Variants in DACH2 observed in about 807,000 individuals in gnomAD.
The protein encoded by DACH2 is dachshund homolog 2.
In DACH2, 17 loss-of-function variants were observed where a neutral mutation model predicts 35.8. That is an observed-to-expected ratio of 0.48 (90% CI 0.33 to 0.71). The LOEUF is 0.71. Among genes scored for constraint, DACH2 ranks in the 30% least tolerant of loss-of-function variants. The probability of loss-of-function intolerance (pLI) is 0.02; values close to 1 mark genes in which losing one functional copy is unlikely to be tolerated. For missense variants in DACH2, 469 were observed against 472.7 expected (o/e 0.99, Z 0.07); for synonymous variants, 195 against 177.3 (o/e 1.10, Z -0.79).
intron 2 of DACH2, among the ~76,000 whole-genome samples, chrX:86,384,209 G>A (rs1050591578): frequency 9.0e-6 from 1 of 110,861 alleles, no homozygotes; most frequent in Admixed American, 9.6e-5. Context: ...AAGAGGAAAG[G>A]CTCATAACCA....
intron 1 of DACH2, among the ~76,000 whole-genome samples, chrX:86,172,955 A>G (rs919564099): frequency 8.9e-6 from 1 of 111,914 alleles, no homozygotes; most frequent in Admixed American, 9.5e-5. Flanking sequence ...AAGTAAAAGG[A>G]CTTATAATTC....
chrX:86,399,006 T>A lies in DACH2; in HGVS notation c.527+22144T>A, dbSNP rs746582996. 9.8e-4 allele frequency among the ~76,000 whole-genome samples: 109 copies of A among 111,427 alleles called. 1 individual carries two copies. The highest frequency in any genetic ancestry group is 3.5e-3 in the African/African-American group (106 of 30,618). ...GGGGTGTTAAAGTCTCCCATTATTA[T>A]TGTGTGGGAGTCTAAGTCTCTTTGT... On this transcript the variant is annotated intron_variant, in intron 2 of 11. Coordinates refer to ENST00000373125, the MANE Select transcript of DACH2 (RefSeq NM_053281.3).
intron 6 of DACH2, among the ~76,000 whole-genome samples, chrX:86,715,032 G>C (rs1452088912): frequency 9.0e-6 from 1 of 111,643 alleles, no homozygotes; most frequent in Non-Finnish European, 1.9e-5. Flanking sequence ...CATAGCTGGG[G>C]TGAAACAAAG....
At chrX:86,435,253 C>T (rs2037049306) in intron 2 of DACH2, among the ~76,000 whole-genome samples, 1 of 111,683 alleles carries the variant, frequency 9.0e-6, no homozygotes, top group African/African-American at 3.3e-5. Flanking sequence ...CTTGGAAAAA[C>T]ACCTAACTTC....
At chrX:86,797,177 G>A (rs926005453) in intron 7 of DACH2, among the ~76,000 whole-genome samples, 1 of 110,906 alleles carries the variant, frequency 9.0e-6, no homozygotes, top group Non-Finnish European at 1.9e-5. Flanking sequence ...ATCCAATTGG[G>A]AAAGATAAGA....
At chrX:86,722,554 T>G (rs1263581421) in intron 6 of DACH2, among the ~76,000 whole-genome samples, 1 of 109,732 alleles carries the variant, frequency 9.1e-6, no homozygotes, top group Non-Finnish European at 1.9e-5. Context: ...TAGAGGTAGT[T>G]GTCTTACTAT....
At chrX:86,488,774 AG>A (rs2038052948) in intron 2 of DACH2, among the ~76,000 whole-genome samples, 1 of 111,832 alleles carries the variant, frequency 8.9e-6, no homozygotes, top group Admixed American at 9.5e-5. Context: ...AGTATTTAAC[AG>A]GGATTGAAAT....
At chrX:86,521,985 G>T in intron 3 of DACH2, among the ~76,000 whole-genome samples, 1 of 111,496 alleles carries the variant, frequency 9.0e-6, no homozygotes, top group East Asian at 2.8e-4. Context: ...AATGTTAGGT[G>T]TGCCATATTG....
chrX:86,824,213 C>T (rs1238439661), intron 11 of DACH2, among the ~76,000 whole-genome samples: 1 of 110,666 alleles, frequency 9.0e-6, no homozygotes, highest in Non-Finnish European at 1.9e-5. Context: ...TATAGACCTC[C>T]CCCCAGGAAT....
At chrX:86,348,648 G>T (rs1395616683) in intron 1 of DACH2, among the ~76,000 whole-genome samples, 1 of 111,752 alleles carries the variant, frequency 8.9e-6, no homozygotes, top group Non-Finnish European at 1.9e-5. Context: ...ATCGAATAAA[G>T]CCATTTTCTT....
intron 1 of DACH2, among the ~76,000 whole-genome samples, chrX:86,302,109 G>T (rs2034586656): frequency 9.0e-6 from 1 of 111,186 alleles, no homozygotes; most frequent in Admixed American, 9.6e-5. Flanking sequence ...AAAGGACAGG[G>T]TTTTATACAT....
intron 3 of DACH2, among the ~76,000 whole-genome samples, chrX:86,535,491 A>G (rs1265016341): frequency 1.8e-5 from 2 of 111,599 alleles, no homozygotes; most frequent in African/African-American, 6.5e-5. Context: ...GTGCCTCATT[A>G]TACTTTCTTC....
chrX:86,666,228 A>G (rs1407155908), intron 4 of DACH2, among the ~76,000 whole-genome samples: 1 of 110,116 alleles, frequency 9.1e-6, no homozygotes, highest in Non-Finnish European at 1.9e-5. Flanking sequence ...CTTCTCTACT[A>G]CGTCTACCAG....
At position 86,813,935 on chromosome X, in the gene DACH2, G is replaced by A. The variant is rs1160249268; in HGVS notation, c.1537+658G>A. ...CAGCACAGTAGATTTATTTGCACCAGCATCACCACATACCCACTAGTAATG... is the reference window on the plus strand; with the variant it reads ...CAGCACAGTAGATTTATTTGCACCAACATCACCACATACCCACTAGTAATG... On this transcript the variant is annotated intron_variant, in intron 9 of 11. Coordinates refer to ENST00000373125, the MANE Select transcript of DACH2 (RefSeq NM_053281.3). Among the ~76,000 whole-genome samples, 3 of 111,785 alleles carry A rather than the reference G, an allele frequency of 2.7e-5. No individual in the cohort carries two copies. In the South Asian group the frequency reaches 1.1e-3, roughly 42 times the overall value.
In DACH2 at chrX:86,800,628, T is replaced by G. The variant is rs150051939; in HGVS notation, c.1241-12228T>G. Among the ~76,000 whole-genome samples the G allele has an allele frequency of 3.5e-3, 393 of 111,846 alleles. 2 individuals are homozygous for G. The highest frequency in any genetic ancestry group is 0.012 in the African/African-American group (383 of 30,804). Reference sequence around the variant, plus strand: ...AACTTCTTTGATAAAACTTAAGAAATTTTCAGGTGAGAAGCAACAGCTTTT... The same window carrying G: ...AACTTCTTTGATAAAACTTAAGAAAGTTTCAGGTGAGAAGCAACAGCTTTT... On this transcript the variant is annotated intron_variant, in intron 7 of 11. Coordinates refer to ENST00000373125, the MANE Select transcript of DACH2 (RefSeq NM_053281.3).
chrX:86,400,142 C>G (rs1171680609), intron 2 of DACH2, among the ~76,000 whole-genome samples: 1 of 111,680 alleles, frequency 9.0e-6, no homozygotes, highest in Non-Finnish European at 1.9e-5. Flanking sequence ...CATCTTCCAT[C>G]ACTGATACCC....
At position 86,739,474 on chromosome X, in the gene DACH2, A is replaced by G; in HGVS notation, c.1105-273A>G. 2.7e-5 allele frequency among the ~76,000 whole-genome samples: 3 copies of G among 111,936 alleles called. No homozygotes were observed. The South Asian group carries it at 1.1e-3, about 42-fold the overall frequency. ...CACCTACACTGTTAATCATTTATGA[A>G]TTTTTTAGCAGAGCAAATGGAAATT... On this transcript the variant is annotated intron_variant, in intron 6 of 11. Transcript: ENST00000373125.
chrX:86,355,674 G>T (rs1300319631), intron 1 of DACH2, among the ~76,000 whole-genome samples: 1 of 111,326 alleles, frequency 9.0e-6, no homozygotes, highest in East Asian at 2.8e-4. Flanking sequence ...GACTACAGGT[G>T]CGGGCCACCA....
At chrX:86,299,968 G>T (rs1271987613) in intron 1 of DACH2, among the ~76,000 whole-genome samples, 2 of 111,579 alleles carry the variant, frequency 1.8e-5, no homozygotes, top group Admixed American at 9.6e-5. Context: ...TTTGTTACAT[G>T]CATAGAATGT....
Sources: allele counts gnomAD v4.1 joint callset (sites outside exome capture counted in the v4.1 genomes callset), GRCh38; gene constraint gnomAD v4.1.1; transcripts MANE v1.5; gene names NCBI Gene and HGNC (gene_info 2026-07-23, HGNC 2026-07-21).